The following TRIM44 variants were observed in gnomAD, a reference collection of about 807,000 sequenced individuals.
TRIM44 encodes tripartite motif containing 44, also known as tripartite motif-containing protein 44.
TRIM44 carries 13 observed loss-of-function variants against 37.4 expected under a neutral mutation model. That is an observed-to-expected ratio of 0.35 (90% CI 0.23 to 0.55). The LOEUF (loss-of-function observed/expected upper bound fraction) is 0.55, where lower values mean the gene tolerates loss of function less well. Among genes scored for constraint, TRIM44 ranks in the 20% least tolerant of loss-of-function variants. The pLI, the probability that TRIM44 is intolerant of heterozygous loss-of-function variation, is 0.89. For missense variants in TRIM44, 426 were observed against 437.2 expected (o/e 0.97, Z 0.23); for synonymous variants, 175 against 157.2 (o/e 1.11, Z -0.85).
chr11:35,701,201 G>A (rs1350168936), intron 2 of TRIM44, among the ~76,000 whole-genome samples: 2 of 152,176 alleles, frequency 1.3e-5, no homozygotes, highest in African/African-American at 4.8e-5. Context: ...CAGAGCCTTA[G>A]ATTTTGGGTA....
rs1852169615 is a variant in TRIM44, at chr11:35,725,969, A to G, written c.793A>G (p.Lys265Glu). 1 of 1,614,128 alleles carries G rather than the reference A, an allele frequency of 6.2e-7. No individual in the cohort carries two copies. ...MKMFIQQEFK[K>E]VQKVIADEEQ... ...GATGTTTATACAGCAGGAATTTAAG[A>G]AAGTTCAGAAAGTGATTGCTGATGA... is the stretch of plus-strand genomic sequence containing the variant. The change falls in exon 3 of 5, where the codon AAA becomes GAA. Residue 265 changes from lysine (K) to glutamate (E), a missense_variant. Physicochemically the swap from Lys to Glu is moderately conservative, Grantham distance 56. Around this residue, in one of 2 missense-constraint regions of TRIM44, gnomAD observed 95 missense variants for 134.2 expected, o/e 0.71. Coordinates refer to ENST00000299413, the MANE Select transcript of TRIM44 (RefSeq NM_017583.6).
intron 2 of TRIM44, among the ~76,000 whole-genome samples, chr11:35,712,125 C>T (rs1250855142): frequency 6.6e-6 from 1 of 152,104 alleles, no homozygotes; most frequent in African/African-American, 2.4e-5. Context: ...TGCAGAGTAA[C>T]TGGCAGTAGT....
chr11:35,673,947 G>GT (rs906895274), intron 1 of TRIM44, among the ~76,000 whole-genome samples: 1 of 151,708 alleles, frequency 6.6e-6, no homozygotes, highest in African/African-American at 2.4e-5. Flanking sequence ...TCAGTGCCTC[G>GT]TATGTGTTCT....
At chr11:35,742,368 G>GATATAT (rs533139422) in intron 4 of TRIM44, among the ~76,000 whole-genome samples, 1 of 138,508 alleles carries the variant, frequency 7.2e-6, no homozygotes, top group African/African-American at 2.7e-5. Flanking sequence ...TATATATATG[G>GATATAT]ATATATATAT....
At position 35,692,337 on chromosome 11, in the gene TRIM44, A is replaced by T. The variant is rs531395633; in HGVS notation, c.747+7001A>T. On this transcript the variant is annotated intron_variant, in intron 2 of 4. Transcript: ENST00000299413. ...TTGAGACCATACTTGGAGGTGAAAG[A>T]CACCTATGGAAAAAACTGGGTAATA... Among the ~76,000 whole-genome samples, 7 of 152,268 alleles carry T rather than the reference A, an allele frequency of 4.6e-5. No homozygotes were observed. The East Asian group carries it at 1.4e-3, about 29-fold the overall frequency.
intron 2 of TRIM44, among the ~76,000 whole-genome samples, chr11:35,716,014 T>C (rs1381372160): frequency 2.0e-5 from 3 of 152,166 alleles, no homozygotes; most frequent in African/African-American, 7.2e-5. Flanking sequence ...TGGATTACAA[T>C]TGAATGTGAG....
rs1851664837 is a variant in TRIM44, at chr11:35,693,832, C to T, written c.747+8496C>T. On this transcript the variant is annotated intron_variant, in intron 2 of 4. Coordinates refer to ENST00000299413, the MANE Select transcript of TRIM44 (RefSeq NM_017583.6). The stretch of plus-strand genomic sequence containing the variant: ...TCTTGTCATTCCAGTTGAAGAGAGA[C>T]CATTTGACATTCTGGAGATGGCTGT... Among the ~76,000 whole-genome samples, 3 of 152,040 alleles carry T rather than the reference C, an allele frequency of 2.0e-5. 1 individual carries two copies. In the South Asian group the frequency reaches 6.2e-4, roughly 32 times the overall value.
chr11:35,710,594 A>G (rs1253352284), intron 2 of TRIM44, among the ~76,000 whole-genome samples: 1 of 152,264 alleles, frequency 6.6e-6, no homozygotes, highest in Non-Finnish European at 1.5e-5. Context: ...GGAAAAGCAT[A>G]GTAAACAAAG....
intron 2 of TRIM44, among the ~76,000 whole-genome samples, chr11:35,694,047 A>T (rs189707995): frequency 6.6e-6 from 1 of 152,318 alleles, no homozygotes; most frequent in East Asian, 1.9e-4. Flanking sequence ...TCTCTTCATT[A>T]ATCCTCTAAA....
Position 35,709,756 on chromosome 11 carries a change from T to A in TRIM44, c.748-16168T>A, listed in dbSNP as rs151281210. Among the ~76,000 whole-genome samples the A allele has an allele frequency of 2.9e-3, 441 of 152,304 alleles. 4 individuals carry two copies. Among genetic ancestry groups the A allele is most frequent in the African/African-American group, 0.01 (418 of 41,570 alleles). On this transcript the variant is annotated intron_variant, in intron 2 of 4. Coordinates refer to ENST00000299413, the MANE Select transcript of TRIM44 (RefSeq NM_017583.6). ...TGGATCCTGTGGGCACCTTACTTGT[T>A]CACTCAGCACTCCTGGGGGTCGTTA...
chr11:35,757,818 T>A (rs990383172), intron 4 of TRIM44, among the ~76,000 whole-genome samples: 1 of 152,162 alleles, frequency 6.6e-6, no homozygotes, highest in Non-Finnish European at 1.5e-5. Flanking sequence ...TTTTAGTGAG[T>A]TTCTTAATCT....
At chr11:35,780,045 C>T (rs1041743288) in intron 4 of TRIM44, among the ~76,000 whole-genome samples, 10 of 151,958 alleles carry the variant, frequency 6.6e-5, no homozygotes, top group Non-Finnish European at 1.0e-4. Context: ...AATATGATGC[C>T]TCCAGCTTTG....
At chr11:35,747,384 A>G (rs1944187260) in intron 4 of TRIM44, among the ~76,000 whole-genome samples, 1 of 152,218 alleles carries the variant, frequency 6.6e-6, no homozygotes, top group Non-Finnish European at 1.5e-5. Context: ...TAAGAAATTA[A>G]GTGACTAAGC....
At chr11:35,692,619 A>G (rs906264415) in intron 2 of TRIM44, among the ~76,000 whole-genome samples, 2 of 152,052 alleles carry the variant, frequency 1.3e-5, no homozygotes, top group Non-Finnish European at 2.9e-5. Flanking sequence ...CCTGGATTAT[A>G]TATTGTTAGA....
chr11:35,776,940 G>C (rs989302403), intron 4 of TRIM44, among the ~76,000 whole-genome samples: 31 of 152,334 alleles, frequency 2.0e-4, no homozygotes, highest in South Asian at 1.5e-3. Flanking sequence ...TGTTGATTTG[G>C]GGTGGAGAGT....
At chr11:35,696,145 T>C (rs1351701159) in intron 2 of TRIM44, among the ~76,000 whole-genome samples, 1 of 151,038 alleles carries the variant, frequency 6.6e-6, no homozygotes, top group Non-Finnish European at 1.5e-5. Flanking sequence ...AATTTTTTTT[T>C]TTTTTTTTTT....
chr11:35,709,715 G>T (rs1473004965), intron 2 of TRIM44, among the ~76,000 whole-genome samples: 1 of 152,182 alleles, frequency 6.6e-6, no homozygotes, highest in Non-Finnish European at 1.5e-5. Context: ...TACTCTGAGA[G>T]ATCAGAGGAC....
intron 2 of TRIM44, among the ~76,000 whole-genome samples, chr11:35,710,556 G>A (rs2135507664): frequency 6.6e-6 from 1 of 152,302 alleles, no homozygotes; most frequent in South Asian, 2.1e-4. Flanking sequence ...TACCATGGAA[G>A]GGAAGGCTAG....
intron 2 of TRIM44, among the ~76,000 whole-genome samples, chr11:35,705,074 A>G (rs1851858390): frequency 6.7e-6 from 1 of 149,022 alleles, no homozygotes; most frequent in Non-Finnish European, 1.5e-5. Context: ...AAGATCTACC[A>G]AGCCAATGGA....
Sources: gnomAD v4.1 joint callset for allele counts (sites outside exome capture counted in the v4.1 genomes callset) on GRCh38, gnomAD v4.1.1 for gene constraint, gnomAD v4.1.1 regional missense constraint, MANE v1.5 for transcripts, NCBI Gene and HGNC (gene_info 2026-07-23, HGNC 2026-07-21) for gene names.